The following HHAT variants were observed in gnomAD, a reference collection of about 807,000 sequenced individuals.
The protein encoded by HHAT is protein-cysteine N-palmitoyltransferase HHAT.
HHAT carries 47 observed loss-of-function variants against 70.8 expected under a neutral mutation model. That is an observed-to-expected ratio of 0.66 (90% CI 0.53 to 0.85). The LOEUF (loss-of-function observed/expected upper bound fraction) is 0.85. HHAT is among the 40% of genes least tolerant of loss of function. The probability of loss-of-function intolerance (pLI) is 0.00; values close to 1 mark genes in which losing one functional copy is unlikely to be tolerated. For synonymous variants in HHAT, 228 were observed against 247.6 expected, an observed-to-expected ratio of 0.92 and a Z score of 0.74; for missense variants, 609 against 604.8, an observed-to-expected ratio of 1.01 and a Z score of -0.07.
chr1:210,392,768 G>T (rs577450807), intron 4 of HHAT, among the ~76,000 whole-genome samples: 1 of 151,942 alleles, frequency 6.6e-6, no homozygotes, highest in Non-Finnish European at 1.5e-5. Context: ...CTATCCTTAG[G>T]TCTAGCCTAC....
chr1:210,398,660 A>G (rs2073039), intron 4 of HHAT, among the ~76,000 whole-genome samples: 94,156 of 152,150 alleles, frequency 0.62, 29,481 homozygotes, highest in African/African-American at 0.69. Context: ...TAATAAAAAC[A>G]TAACTGTGTC....
At chr1:210,622,734 CTTA>C (rs1310355609) in intron 10 of HHAT, among the ~76,000 whole-genome samples, 2 of 152,200 alleles carry the variant, frequency 1.3e-5, no homozygotes, top group African/African-American at 4.8e-5. Flanking sequence ...GTCCTACACT[CTTA>C]TTATGAGATT....
chr1:210,599,555 C>A (rs1388445828), intron 10 of HHAT, among the ~76,000 whole-genome samples: 1 of 152,122 alleles, frequency 6.6e-6, no homozygotes, highest in Admixed American at 6.6e-5. Flanking sequence ...TTATGTTATC[C>A]TTTGTACCTC....
chr1:210,429,824 T>TA (rs1340822165), intron 7 of HHAT, among the ~76,000 whole-genome samples: 1 of 151,892 alleles, frequency 6.6e-6, no homozygotes, highest in African/African-American at 2.4e-5. Flanking sequence ...TCTTCCCCAA[T>TA]AACCTGGAAA....
chr1:210,449,250 C>T (rs1038215496), intron 7 of HHAT, among the ~76,000 whole-genome samples: 3 of 151,576 alleles, frequency 2.0e-5, no homozygotes, highest in Non-Finnish European at 2.9e-5. Flanking sequence ...CTGCCTTTTC[C>T]CCCCTTAGGA....
At chr1:210,420,544 C>T (rs1281550209) in intron 7 of HHAT, among the ~76,000 whole-genome samples, 1 of 152,032 alleles carries the variant, frequency 6.6e-6, no homozygotes, top group Admixed American at 6.6e-5. Context: ...ATACATTTTG[C>T]CCTAATGCTA....
intron 10 of HHAT, 31 bp downstream of exon 10, chr1:210,588,130 G>A (rs753132320): frequency 1.3e-6 from 2 of 1,540,508 alleles, no homozygotes; most frequent in African/African-American, 1.4e-5. Flanking sequence ...TGTGTTAGGG[G>A]ACAGTGGAAC....
chr1:210,404,280 C>G (rs1192211616), intron 5 of HHAT, among the ~76,000 whole-genome samples, 184 bp from the exon 6 acceptor site: 1 of 152,128 alleles, frequency 6.6e-6, no homozygotes, highest in Non-Finnish European at 1.5e-5. Context: ...TGAGATTTAC[C>G]TGGTGTTCAT....
chr1:210,490,676 A>G (rs1191547852), intron 8 of HHAT, among the ~76,000 whole-genome samples: 1 of 152,210 alleles, frequency 6.6e-6, no homozygotes, highest in Non-Finnish European at 1.5e-5. Context: ...GGAACGAAAG[A>G]CATACCTGCT....
intron 8 of HHAT, among the ~76,000 whole-genome samples, chr1:210,488,107 A>G (rs1407299086): frequency 1.3e-5 from 2 of 152,200 alleles, no homozygotes; most frequent in African/African-American, 4.8e-5. Flanking sequence ...AAGATCCTGA[A>G]GGGTGGAAGG....
chr1:210,637,828 CCA>C (rs1245498867), intron 11 of HHAT, among the ~76,000 whole-genome samples: 3 of 141,118 alleles, frequency 2.1e-5, no homozygotes, highest in African/African-American at 5.2e-5. Context: ...CCTCTGCACT[CCA>C]GTCTGGCAAC....
intron 10 of HHAT, among the ~76,000 whole-genome samples, chr1:210,593,011 T>C (rs1662105215): frequency 6.6e-6 from 1 of 152,104 alleles, no homozygotes; most frequent in Non-Finnish European, 1.5e-5. Flanking sequence ...GTATATCTCC[T>C]AATGCTATCC....
At chr1:210,469,218 T>C (rs917709293) in intron 8 of HHAT, among the ~76,000 whole-genome samples, 5 of 152,128 alleles carry the variant, frequency 3.3e-5, no homozygotes, top group Non-Finnish European at 5.9e-5. Context: ...ATAGAGACTA[T>C]GGTGGAAGCA....
At chr1:210,409,856 T>C (rs764906920) in intron 6 of HHAT, among the ~76,000 whole-genome samples, 20 of 152,180 alleles carry the variant, frequency 1.3e-4, no homozygotes, top group Non-Finnish European at 2.5e-4. Context: ...GATGAGTTAA[T>C]GTGTATTTTT....
intron 8 of HHAT, among the ~76,000 whole-genome samples, chr1:210,465,403 A>G (rs2094079197): frequency 6.6e-6 from 1 of 152,200 alleles, no homozygotes; most frequent in African/African-American, 2.4e-5. Context: ...TCCAGAGTGT[A>G]ACAAGTGACA....
At chr1:210,436,278 G>A (rs2093372558) in intron 7 of HHAT, among the ~76,000 whole-genome samples, 1 of 151,330 alleles carries the variant, frequency 6.6e-6, no homozygotes, top group African/African-American at 2.4e-5. Flanking sequence ...GTGTATGCAT[G>A]GATTTATATC....
intron 7 of HHAT, among the ~76,000 whole-genome samples, chr1:210,464,235 T>C (rs999317577): frequency 5.9e-5 from 9 of 152,134 alleles, no homozygotes; most frequent in African/African-American, 2.2e-4. Context: ...AATGTACACA[T>C]TTTGGGCATT....
chr1:210,584,982 A>G (rs1348216389), intron 9 of HHAT, among the ~76,000 whole-genome samples: 1 of 152,196 alleles, frequency 6.6e-6, no homozygotes, highest in Non-Finnish European at 1.5e-5. Context: ...TGCTAATTTG[A>G]TTGTCAAGAT....
At chr1:210,343,298 C>T (rs1444486439) in intron 1 of HHAT, among the ~76,000 whole-genome samples, 1 of 152,130 alleles carries the variant, frequency 6.6e-6, no homozygotes, top group Non-Finnish European at 1.5e-5. Context: ...GCCTTTGCTC[C>T]CTAGAAGCAG....
Sources: allele counts gnomAD v4.1 joint callset (sites outside exome capture counted in the v4.1 genomes callset), GRCh38; gene constraint gnomAD v4.1.1; transcripts MANE v1.5; gene names NCBI Gene and HGNC (gene_info 2026-07-23, HGNC 2026-07-21).